Variants in METTL25 observed in about 807,000 individuals in gnomAD.
The protein encoded by METTL25 is methyltransferase like 25.
In METTL25, 64 loss-of-function variants were observed where a neutral mutation model predicts 71.6. The observed-to-expected ratio is 0.89, with a 90% CI of 0.73 to 1.10. The LOEUF (loss-of-function observed/expected upper bound fraction) is 1.10. Among genes scored for constraint, METTL25 ranks in the 50% least tolerant of loss-of-function variants. The pLI, the probability that METTL25 is intolerant of heterozygous loss-of-function variation, is 0.00. For missense variants in METTL25, 807 were observed against 707.0 expected (o/e 1.14, Z -1.60); for synonymous variants, 287 against 250.3 (o/e 1.15, Z -1.38).
intron 9 of METTL25, among the ~76,000 whole-genome samples, chr12:82,458,557 A>T (rs1891649076): frequency 6.6e-6 from 1 of 151,634 alleles, no homozygotes; most frequent in South Asian, 2.1e-4. Context: ...AGAGAGAACC[A>T]CTCATAAGAG....
chr12:82,368,508 G>A (rs1882828601), intron 1 of METTL25, among the ~76,000 whole-genome samples: 1 of 152,112 alleles, frequency 6.6e-6, no homozygotes, highest in East Asian at 1.9e-4. Context: ...TTCATGAATA[G>A]AAGTAATCTG....
chr12:82,392,123 A>C (rs1885647822), intron 3 of METTL25, among the ~76,000 whole-genome samples: 1 of 147,388 alleles, frequency 6.8e-6, no homozygotes, highest in Non-Finnish European at 1.5e-5. Flanking sequence ...TTATTATTAT[A>C]CTTTAAGTTT....
intron 1 of METTL25, among the ~76,000 whole-genome samples, chr12:82,384,829 G>T (rs553567595): frequency 6.6e-6 from 1 of 151,968 alleles, no homozygotes; most frequent in African/African-American, 2.4e-5. Context: ...TTGTCCAATA[G>T]CTAACTATTA....
intron 10 of METTL25, 60 bp downstream of exon 10, chr12:82,476,778 A>G (rs561484441): frequency 2.0e-6 from 2 of 1,019,972 alleles, no homozygotes; most frequent in East Asian, 2.5e-5. Flanking sequence ...ATAGGGTCCT[A>G]TTAAATTTTA....
intron 2 of METTL25, 125 bp downstream of exon 2, chr12:82,387,092 C>A (rs1885110813): frequency 2.7e-6 from 2 of 732,398 alleles, no homozygotes; most frequent in African/African-American, 1.8e-5. Flanking sequence ...TAAGCCCTGA[C>A]AAATTAACTA....
chr12:82,384,176 A>G (rs746905043), intron 1 of METTL25, among the ~76,000 whole-genome samples: 9 of 152,204 alleles, frequency 5.9e-5, no homozygotes, highest in Admixed American at 1.3e-4. Context: ...TTCCCTTCAT[A>G]AAAAATCTAA....
intron 5 of METTL25, among the ~76,000 whole-genome samples, chr12:82,406,193 A>G (rs1887074300): frequency 6.6e-6 from 1 of 152,180 alleles, no homozygotes; most frequent in South Asian, 2.1e-4. Context: ...TATCGTGTTC[A>G]CCCTTAAATA....
At position 82,380,153 on chromosome 12, in the gene METTL25, A is replaced by G. The variant is rs1884287587; in HGVS notation, c.260-6650A>G. On this transcript the variant is annotated intron_variant, in intron 1 of 11. Coordinates refer to ENST00000248306, the MANE Select transcript of METTL25 (RefSeq NM_032230.3). Reference sequence around the variant, plus strand: ...AGGAATATATATTAAAATATAGTTAATTGTTCCCCTCTATGTTTCCATGTG... The same window carrying G: ...AGGAATATATATTAAAATATAGTTAGTTGTTCCCCTCTATGTTTCCATGTG... Among the ~76,000 whole-genome samples the G allele has an allele frequency of 1.3e-5, 2 of 152,098 alleles. 1 individual carries two copies. The highest frequency in any genetic ancestry group is 4.1e-4 in the South Asian group (2 of 4,828).
At chr12:82,449,830 AC>A (rs11303572) in intron 8 of METTL25, among the ~76,000 whole-genome samples, 128,868 of 151,998 alleles carry the variant, frequency 0.85, 55,005 homozygotes, top group East Asian at 1. Flanking sequence ...CCCTCTAACC[AC>A]TGTCCTATGT....
chr12:82,392,556 A>T (rs1360371661), intron 3 of METTL25, among the ~76,000 whole-genome samples: 1 of 151,846 alleles, frequency 6.6e-6, no homozygotes, highest in Non-Finnish European at 1.5e-5. Flanking sequence ...TAGTTTGCAC[A>T]TGTTTTCTCT....
At chr12:82,386,703 C>A in intron 1 of METTL25, 100 bp from the exon 2 acceptor site, 1 of 903,430 alleles carries the variant, frequency 1.1e-6, no homozygotes, top group South Asian at 1.8e-5. Context: ...AAAATATTGG[C>A]ATTTGTTATA....
chr12:82,403,087 T>TTG lies in METTL25; in HGVS notation c.1237_1238dup (p.Tyr414AlafsTer29). On this transcript the variant is annotated frameshift_variant, in exon 5 of 12. Coordinates refer to ENST00000248306, the MANE Select transcript of METTL25 (RefSeq NM_032230.3). LOFTEE classifies it high-confidence loss of function. ...TCAAGGGAGTTTGCAGTGTGGGTTG[T>TTG]TGCTACCACCTCTTATCTGAAGAAT... 6.2e-7 allele frequency: 1 copy of TTG among 1,613,376 alleles called. No individual in the cohort carries two copies. The highest frequency in any genetic ancestry group is 8.5e-7 in the Non-Finnish European group (1 of 1,179,614).
chr12:82,363,679 C>T (rs1425668623), intron 1 of METTL25, among the ~76,000 whole-genome samples: 2 of 150,288 alleles, frequency 1.3e-5, no homozygotes, highest in Non-Finnish European at 3.0e-5. Context: ...AATAGATTCA[C>T]TACAATAAAG....
chr12:82,472,932 A>G (rs1892654429), intron 9 of METTL25, among the ~76,000 whole-genome samples: 2 of 152,200 alleles, frequency 1.3e-5, no homozygotes, highest in African/African-American at 4.8e-5. Flanking sequence ...CTCAGTGGAA[A>G]AGTCACATCA....
chr12:82,432,435 CAAAAA>C (rs1212052677), intron 6 of METTL25, among the ~76,000 whole-genome samples: 1 of 148,682 alleles, frequency 6.7e-6, no homozygotes, highest in Admixed American at 6.7e-5. Context: ...ATACCCTTGA[CAAAAA>C]AAGAGAGAGA....
chr12:82,368,996 C>T (rs1468534220), intron 1 of METTL25, among the ~76,000 whole-genome samples: 1 of 152,212 alleles, frequency 6.6e-6, no homozygotes, highest in South Asian at 2.1e-4. Flanking sequence ...ATCAACACTT[C>T]TCTTGGAATT....
intron 11 of METTL25, among the ~76,000 whole-genome samples, chr12:82,477,708 T>C (rs1892957928): frequency 6.6e-6 from 1 of 151,830 alleles, no homozygotes; most frequent in African/African-American, 2.4e-5. Flanking sequence ...AATTTGTCTT[T>C]TAATTCACTT....
At chr12:82,477,983 A>G (rs1388972297) in intron 11 of METTL25, among the ~76,000 whole-genome samples, 1 of 151,866 alleles carries the variant, frequency 6.6e-6, no homozygotes, top group South Asian at 2.1e-4. Context: ...ATTTTGTCAT[A>G]TGGGGAGCTT....
chr12:82,438,055 T>G (rs571196097), intron 7 of METTL25, among the ~76,000 whole-genome samples: 170 of 151,830 alleles, frequency 1.1e-3, no homozygotes, highest in Non-Finnish European at 1.4e-3. Flanking sequence ...CGTGCTTCAT[T>G]GGAGCCCTTC....
Sources: allele counts gnomAD v4.1 joint callset (sites outside exome capture counted in the v4.1 genomes callset), GRCh38; gene constraint gnomAD v4.1.1; transcripts MANE v1.5; gene names NCBI Gene and HGNC (gene_info 2026-07-23, HGNC 2026-07-21).